GPC6: variants seen among roughly 807,000 people sequenced by gnomAD.
The protein encoded by GPC6 is glypican-6.
Under a neutral mutation model 55.2 loss-of-function variants are expected in GPC6, and 14 were observed. The ratio of observed to expected loss-of-function variants is 0.25; its 90% CI spans 0.17 to 0.40. The LOEUF (loss-of-function observed/expected upper bound fraction) is 0.40. Ranked by LOEUF, GPC6 falls within the 10% of genes least tolerant of loss-of-function variation. The pLI is 1.00. For missense variants in GPC6, 641 were observed against 708.5 expected, an observed-to-expected ratio of 0.90 and a Z score of 1.08; for synonymous variants, 278 against 259.6, an observed-to-expected ratio of 1.07 and a Z score of -0.68.
At chr13:93,238,768 T>C (rs1876326308) in intron 1 of GPC6, among the ~76,000 whole-genome samples, 1 of 143,896 alleles carries the variant, frequency 6.9e-6, no homozygotes, top group Non-Finnish European at 1.5e-5. Context: ...GCTCCTTCTA[T>C]GCCTAGTTTC....
At chr13:94,346,394 C>T (rs771046314) in intron 6 of GPC6, among the ~76,000 whole-genome samples, 10 of 152,146 alleles carry the variant, frequency 6.6e-5, no homozygotes, top group Non-Finnish European at 1.3e-4. Flanking sequence ...TGATGTTCCA[C>T]TCATGTGGAT....
At chr13:93,948,251 T>C (rs1879102785) in intron 3 of GPC6, among the ~76,000 whole-genome samples, 1 of 152,188 alleles carries the variant, frequency 6.6e-6, no homozygotes, top group African/African-American at 2.4e-5. Flanking sequence ...TCCTATCGTA[T>C]TTTCTCCAAT....
At chr13:93,491,726 G>C (rs368680402) in intron 1 of GPC6, among the ~76,000 whole-genome samples, 1 of 127,962 alleles carries the variant, frequency 7.8e-6, no homozygotes, top group African/African-American at 3.0e-5. Context: ...TCCAGTTTCA[G>C]CTTTCTACAT....
chr13:94,050,815 G>C (rs1165088462), intron 4 of GPC6, among the ~76,000 whole-genome samples: 1 of 152,158 alleles, frequency 6.6e-6, no homozygotes, highest in East Asian at 1.9e-4. Flanking sequence ...AGTTCAGCCT[G>C]GTTTCTGGGT....
At chr13:94,333,005 G>C (rs1275376209) in intron 6 of GPC6, among the ~76,000 whole-genome samples, 2 of 152,212 alleles carry the variant, frequency 1.3e-5, no homozygotes, top group Admixed American at 1.3e-4. Flanking sequence ...AGGGGCGATA[G>C]ATGAGGGATT....
intron 3 of GPC6, among the ~76,000 whole-genome samples, chr13:93,948,839 A>G (rs1473892517): frequency 6.6e-6 from 1 of 152,188 alleles, no homozygotes; most frequent in African/African-American, 2.4e-5. Flanking sequence ...TGCCCTTTAC[A>G]GTTGCTTTGG....
In GPC6 at chr13:93,231,399, A is replaced by ATG. The variant is rs1422296103; in HGVS notation, c.160+3784_160+3785insGT. Among the ~76,000 whole-genome samples, 38 of 33,202 alleles carry ATG rather than the reference A, an allele frequency of 1.1e-3. 1 individual carries two copies. The highest frequency in any genetic ancestry group is 1.7e-3 in the Non-Finnish European group (33 of 19,066). 21.8% of individuals were successfully genotyped at this position (33,202 alleles called of 152,430 possible). On this transcript the variant is annotated intron_variant, in intron 1 of 8. Transcript: ENST00000377047. Reference sequence around the variant, plus strand: ...TATATACATATATATATATATATGTATATATATATATATATATATATATAC... The same window carrying ATG: ...TATATACATATATATATATATATGTATGTATATATATATATATATATATATAC...
chr13:93,584,684 GTTT>G (rs779571682), intron 2 of GPC6, among the ~76,000 whole-genome samples: 11 of 95,564 alleles, frequency 1.2e-4, no homozygotes, highest in African/African-American at 4.7e-4. Context: ...CCTTCTGAAA[GTTT>G]TTTTTTTTTT....
At chr13:93,521,084 T>G (rs1881402906) in intron 1 of GPC6, among the ~76,000 whole-genome samples, 1 of 151,982 alleles carries the variant, frequency 6.6e-6, no homozygotes, top group Non-Finnish European at 1.5e-5. Flanking sequence ...AGTAATTTCA[T>G]TAGTACTTGA....
chr13:94,389,283 A>G (rs1426117647), intron 7 of GPC6, among the ~76,000 whole-genome samples: 1 of 152,200 alleles, frequency 6.6e-6, no homozygotes, highest in African/African-American at 2.4e-5. Context: ...AGACCCTAGG[A>G]GGACATTTGC....
Position 93,545,139 on chromosome 13 carries a change from G to A in GPC6, c.161-124G>A, listed in dbSNP as rs931754696. On this transcript the variant is annotated intron_variant, in intron 1 of 8. Coordinates refer to ENST00000377047, the MANE Select transcript of GPC6 (RefSeq NM_005708.5). ...CTGTGGCCCAGATAGAGTTCATGGG[G>A]ATGGCTGGAGAAGTAGATGGAACAA... is the stretch of plus-strand genomic sequence containing the variant. The A allele has an allele frequency of 1.3e-5, 10 of 792,806 alleles. No individual in the cohort carries two copies. In the Admixed American group the frequency reaches 1.8e-4, roughly 15 times the overall value. The allele number at this position is 792,806 out of a possible 1,614,324, so 49.1% of individuals were successfully genotyped here. A position where few individuals can be genotyped will look rare whatever the true frequency, so the allele number is the denominator to read the frequency against.
At chr13:93,967,057 A>G (rs147439019) in intron 3 of GPC6, among the ~76,000 whole-genome samples, 19 of 152,316 alleles carry the variant, frequency 1.2e-4, no homozygotes, top group African/African-American at 4.1e-4. Context: ...AAAGCATGAG[A>G]AAGGGAAACT....
intron 2 of GPC6, among the ~76,000 whole-genome samples, chr13:93,662,644 GAACA>G (rs999755854): frequency 2.7e-4 from 40 of 150,176 alleles, no homozygotes; most frequent in African/African-American, 9.6e-4. Flanking sequence ...AAAGCCAAAC[GAACA>G]AACAAACAAA....
intron 1 of GPC6, among the ~76,000 whole-genome samples, chr13:93,373,508 T>G (rs1276521845): frequency 6.6e-6 from 1 of 152,202 alleles, no homozygotes. Flanking sequence ...CAAGAAAGTA[T>G]AAAGAGTGAC....
At chr13:94,121,565 A>G (rs889511000) in intron 4 of GPC6, among the ~76,000 whole-genome samples, 5 of 152,164 alleles carry the variant, frequency 3.3e-5, no homozygotes, top group African/African-American at 1.2e-4. Flanking sequence ...ACATTGGATG[A>G]TTATCATCTT....
At chr13:94,124,907 T>C (rs1400168403) in intron 4 of GPC6, among the ~76,000 whole-genome samples, 1 of 152,078 alleles carries the variant, frequency 6.6e-6, no homozygotes, top group African/African-American at 2.4e-5. Flanking sequence ...TGGAACTAAC[T>C]CATCAGGAGA....
chr13:93,400,570 A>G (rs1258045150), intron 1 of GPC6, among the ~76,000 whole-genome samples: 1 of 152,126 alleles, frequency 6.6e-6, no homozygotes, highest in Admixed American at 6.5e-5. Context: ...AAACAATTTA[A>G]TTGTGCATTT....
intron 3 of GPC6, among the ~76,000 whole-genome samples, chr13:93,859,309 A>G (rs985472338): frequency 6.6e-6 from 1 of 151,542 alleles, no homozygotes; most frequent in Non-Finnish European, 1.5e-5. Flanking sequence ...TTGTTCTTTC[A>G]TTTTCATGTA....
intron 1 of GPC6, among the ~76,000 whole-genome samples, chr13:93,375,642 C>T (rs1171826506): frequency 6.6e-6 from 1 of 152,180 alleles, no homozygotes; most frequent in Non-Finnish European, 1.5e-5. Context: ...GGCCCTTCGC[C>T]CAGTGGCCAT....
Sources: gnomAD v4.1 joint callset for allele counts (sites outside exome capture counted in the v4.1 genomes callset) on GRCh38, gnomAD v4.1.1 for gene constraint, MANE v1.5 for transcripts, NCBI Gene and HGNC (gene_info 2026-07-23, HGNC 2026-07-21) for gene names.